Variants in ERG observed in about 807,000 individuals in gnomAD.
ERG encodes the protein transcriptional regulator ERG.
Under a neutral mutation model 55.3 loss-of-function variants are expected in ERG, and 9 were observed. That is an observed-to-expected ratio of 0.16 (90% CI 0.10 to 0.28). ERG has a LOEUF of 0.28. Among genes scored for constraint, ERG ranks in the 10% least tolerant of loss-of-function variants. The pLI is 1.00. For missense variants in ERG, 434 were observed against 631.6 expected, an observed-to-expected ratio of 0.69 and a Z score of 3.35; for synonymous variants, 223 against 237.3, an observed-to-expected ratio of 0.94 and a Z score of 0.55.
In ERG at chr21:38,460,518, GT is replaced by G. The variant is rs2059032188; in HGVS notation, c.19-14898del. Among the ~76,000 whole-genome samples the G allele has an allele frequency of 1.3e-5, 2 of 152,178 alleles. No individual in the cohort carries two copies. Among genetic ancestry groups the G allele is most frequent in the African/African-American group, 4.8e-5 (2 of 41,444 alleles). On this transcript the variant is annotated intron_variant, in intron 1 of 9. Coordinates refer to ENST00000288319, the MANE Select transcript of ERG (RefSeq NM_182918.4). This position sits in a 1 kb window ranked among gnomAD's most constrained non-coding sequence, Gnocchi z 5.0. ...CACCAAAAGCCACACCTAATAAAATGTTACAGCCATCCTTTGTCCCACATGC... is the reference window on the plus strand; with the variant it reads ...CACCAAAAGCCACACCTAATAAAATGTACAGCCATCCTTTGTCCCACATGC...
intron 1 of ERG, among the ~76,000 whole-genome samples, chr21:38,614,562 T>C (rs1427072767): frequency 6.6e-6 from 1 of 152,026 alleles, no homozygotes; most frequent in African/African-American, 2.4e-5. Flanking sequence ...GATGGATGAA[T>C]GGCTTCCTTG....
chr21:38,499,252 AG>A (rs1223229992), upstream of ERG, among the ~76,000 whole-genome samples: 1 of 152,214 alleles, frequency 6.6e-6, no homozygotes, highest in Non-Finnish European at 1.5e-5. Context: ...TCCATGTTGC[AG>A]ACAACAGATC....
chr21:38,618,328 A>C (rs2060270841), intron 1 of ERG, among the ~76,000 whole-genome samples: 1 of 152,224 alleles, frequency 6.6e-6, no homozygotes, highest in African/African-American at 2.4e-5. Context: ...AAACAGGAAG[A>C]TCAGGATCAT....
chr21:38,628,979 C>T (rs1216997608), intron 1 of ERG, among the ~76,000 whole-genome samples: 2 of 152,178 alleles, frequency 1.3e-5, no homozygotes, highest in African/African-American at 2.4e-5. Flanking sequence ...TCATTGGTGC[C>T]GTTATCAGTA....
At position 38,382,163 on chromosome 21, in the gene ERG, C is replaced by T. The variant is rs139255836; in HGVS notation, c.*1240G>A. ...ACATTATATCGATTGTCTCTTTTGT[C>T]GTGTGTCTTTGGCTGGCCGAGATCA... On this transcript the variant is annotated 3_prime_UTR_variant, in exon 10 of 10. Transcript: ENST00000288319. 2.6e-4 allele frequency: 273 copies of T among 1,047,838 alleles called. 2 individuals carry two copies. The East Asian group carries it at 0.013, about 50-fold the overall frequency. The allele number at this position is 1,047,838 out of a possible 1,614,324, so 64.9% of individuals were successfully genotyped here.
At chr21:38,579,825 C>CT (rs58558375) in intron 1 of ERG, among the ~76,000 whole-genome samples, 80,779 of 145,070 alleles carry the variant, frequency 0.56, 23,838 homozygotes, top group Non-Finnish European at 0.68. Context: ...ATCTCTGACT[C>CT]TTTTTTTTTT....
chr21:38,413,685 T>C (rs963052895), intron 3 of ERG, among the ~76,000 whole-genome samples: 5 of 152,050 alleles, frequency 3.3e-5, no homozygotes, highest in Admixed American at 1.3e-4. Context: ...GTAATCATCT[T>C]GTTTTTGGAT....
At chr21:38,412,343 ATTCTAGTTCTCT>A (rs1989098611) in intron 3 of ERG, among the ~76,000 whole-genome samples, 2 of 151,994 alleles carry the variant, frequency 1.3e-5, no homozygotes, top group African/African-American at 4.8e-5. Flanking sequence ...GCTCTTTGAC[ATTCTAGTTCTCT>A]TTCCTGTTAA....
Position 38,392,389 on chromosome 21 carries a change from C to G in ERG, c.801G>C (p.Thr267=), listed in dbSNP as rs779857828. 5.1e-6 allele frequency: 8 copies of G among 1,566,516 alleles called. No individual in the cohort carries two copies. Among genetic ancestry groups the G allele is most frequent in the South Asian group, 1.2e-5 (1 of 85,264 alleles). Residue 267 remains threonine (T), a synonymous_variant, in exon 7 of 10, where the codon ACG becomes ACC. Coordinates refer to ENST00000288319, the MANE Select transcript of ERG (RefSeq NM_182918.4). ...RSAWTGHGHP[T]PQSKAAQPSP... Reference sequence around the variant, plus strand: ...CCAACACTGTACCTTTCGACTGGGGCGTGGGGTGGCCGTGACCGGTCCAGG... The same window carrying G: ...CCAACACTGTACCTTTCGACTGGGGGGTGGGGTGGCCGTGACCGGTCCAGG...
chr21:38,629,980 T>C (rs1394675336), intron 1 of ERG, among the ~76,000 whole-genome samples: 1 of 152,152 alleles, frequency 6.6e-6, no homozygotes, highest in Non-Finnish European at 1.5e-5. Flanking sequence ...GAAAACATTA[T>C]GCAAAGTGAA....
At chr21:38,414,685 T>A (rs1989203710) in intron 3 of ERG, among the ~76,000 whole-genome samples, 1 of 152,076 alleles carries the variant, frequency 6.6e-6, no homozygotes, top group Non-Finnish European at 1.5e-5. Context: ...CATGGCAGAG[T>A]TTAGAACTCA....
intron 2 of ERG, among the ~76,000 whole-genome samples, chr21:38,444,885 G>T (rs1482608595): frequency 2.6e-5 from 4 of 152,174 alleles, no homozygotes; most frequent in African/African-American, 7.2e-5. Flanking sequence ...CTCTCCCTTT[G>T]TGAAAACATA....
chr21:38,466,952 C>G (rs1295734351), intron 1 of ERG, among the ~76,000 whole-genome samples: 3 of 152,152 alleles, frequency 2.0e-5, no homozygotes, highest in African/African-American at 7.2e-5. Context: ...CCTAGAAACC[C>G]TTACATCCTG....
chr21:38,603,354 C>G (rs749880170), intron 1 of ERG, among the ~76,000 whole-genome samples: 9 of 152,062 alleles, frequency 5.9e-5, no homozygotes, highest in African/African-American at 9.7e-5. Flanking sequence ...GGCACGGTGG[C>G]TCACGCCTGT....
chr21:38,569,747 T>G (rs1051071901), intron 2 of ERG, among the ~76,000 whole-genome samples: 16 of 150,454 alleles, frequency 1.1e-4, no homozygotes, highest in African/African-American at 1.8e-4. Flanking sequence ...AGTTATGTGG[T>G]TTTTTTTCCT....
At chr21:38,408,643 ACT>A (rs1177466938) in intron 3 of ERG, among the ~76,000 whole-genome samples, 2 of 151,938 alleles carry the variant, frequency 1.3e-5, no homozygotes, top group Non-Finnish European at 2.9e-5. Context: ...TAACCTTTTA[ACT>A]CCATGAAGAG....
At chr21:38,609,280 T>C (rs764906245) in intron 1 of ERG, among the ~76,000 whole-genome samples, 1 of 152,126 alleles carries the variant, frequency 6.6e-6, no homozygotes, top group Non-Finnish European at 1.5e-5. Context: ...TAGCAGGCAT[T>C]AAGGGAACCT....
intron 1 of ERG, among the ~76,000 whole-genome samples, chr21:38,455,484 T>C (rs774662877): frequency 3.3e-5 from 5 of 152,164 alleles, no homozygotes; most frequent in Admixed American, 6.5e-5. Context: ...GCACCACCTC[T>C]CTCCTCTTCA....
At chr21:38,448,087 A>C (rs2058908581) in intron 1 of ERG, among the ~76,000 whole-genome samples, 1 of 152,132 alleles carries the variant, frequency 6.6e-6, no homozygotes, top group Non-Finnish European at 1.5e-5. Context: ...AGTTTGAATA[A>C]TAAAAAAAAG....
Sources: gnomAD v4.1 joint callset for allele counts (sites outside exome capture counted in the v4.1 genomes callset) on GRCh38, gnomAD v4.1.1 for gene constraint, Gnocchi (gnomAD v3.1) non-coding constraint, MANE v1.5 for transcripts, NCBI Gene and HGNC (gene_info 2026-07-23, HGNC 2026-07-21) for gene names.